The following KIT variants were observed in gnomAD, a reference collection of about 807,000 sequenced individuals.
The protein encoded by KIT is mast/stem cell growth factor receptor Kit.
KIT carries 16 observed loss-of-function variants against 105.7 expected under a neutral mutation model. That is an observed-to-expected ratio of 0.15 (90% CI 0.10 to 0.23). The LOEUF (loss-of-function observed/expected upper bound fraction) is 0.23, where lower values mean the gene tolerates loss of function less well. Ranked by LOEUF, KIT falls within the 10% of genes least tolerant of loss-of-function variation. The pLI is 1.00. For synonymous variants in KIT, 438 were observed against 441.1 expected (o/e 0.99, Z 0.09); for missense variants, 858 against 1,213.8 (o/e 0.71, Z 4.36).
intron 5 of KIT, 37 bp from the exon 6 acceptor site, chr4:54,707,061 A>G (rs1177124393): frequency 4.1e-6 from 5 of 1,213,546 alleles, no homozygotes; most frequent in African/African-American, 1.5e-5. Flanking sequence ...GTAGTTGTAG[A>G]TAATGGTTTC....
chr4:54,728,559 GT>G (rs1285221831), intron 13 of KIT, among the ~76,000 whole-genome samples: 1 of 152,180 alleles, frequency 6.6e-6, no homozygotes, highest in Non-Finnish European at 1.5e-5. Context: ...CTAAAAATAA[GT>G]TTCCAATTTG....
At chr4:54,735,606 C>T (rs1722884881) in intron 17 of KIT, among the ~76,000 whole-genome samples, 1 of 152,170 alleles carries the variant, frequency 6.6e-6, no homozygotes, top group South Asian at 2.1e-4. Flanking sequence ...TTTCAGATAG[C>T]ACTGAGTCAG....
intron 1 of KIT, 53 bp downstream of exon 1, chr4:54,658,134 G>T (rs753637186): frequency 3.8e-6 from 6 of 1,578,272 alleles, no homozygotes; most frequent in Non-Finnish European, 5.2e-6. Context: ...CGAAGCCTGT[G>T]CCTGGGAGGG....
intron 1 of KIT, 21 bp from the exon 2 acceptor site, chr4:54,695,491 C>T (rs535196014): frequency 3.5e-5 from 57 of 1,613,716 alleles, no homozygotes; most frequent in South Asian, 1.4e-4. Flanking sequence ...ATACTCAACA[C>T]GATTCTGTTT....
intron 1 of KIT, among the ~76,000 whole-genome samples, chr4:54,678,110 G>GA (rs1718614622): frequency 6.6e-6 from 1 of 152,136 alleles, no homozygotes. Flanking sequence ...GTAAATTTGG[G>GA]AAAAATTATA....
At chr4:54,661,614 T>G (rs1034012190) in intron 1 of KIT, among the ~76,000 whole-genome samples, 2 of 152,262 alleles carry the variant, frequency 1.3e-5, no homozygotes, top group Non-Finnish European at 2.9e-5. Flanking sequence ...TGCTTTCTTT[T>G]GCTGCATTAA....
intron 4 of KIT, among the ~76,000 whole-genome samples, chr4:54,700,159 C>CTAAAGTTTT (rs1720365877): frequency 2.0e-5 from 3 of 152,128 alleles, no homozygotes; most frequent in Non-Finnish European, 4.4e-5. Context: ...TTGCCACTTC[C>CTAAAGTTTT]ATACTTAAAA....
At chr4:54,732,911 C>T (rs1321747616) in intron 16 of KIT, among the ~76,000 whole-genome samples, 159 bp from the exon 17 acceptor site, 2 of 152,058 alleles carry the variant, frequency 1.3e-5, no homozygotes, top group Non-Finnish European at 2.9e-5. Flanking sequence ...TCATTCAAGG[C>T]GTACTTTTGA....
rs143179681 is a variant in KIT, at chr4:54,725,996, G to A, written c.1486G>A (p.Asp496Asn). 64 of 1,614,044 alleles carry A rather than the reference G, an allele frequency of 4.0e-5. No homozygotes were observed. The African/African-American group carries it at 5.1e-4, about 13-fold the overall frequency. ...NGTVECKAYN[D>N]VGKTSAYFNF... ...CACGGTTGAATGTAAGGCTTACAACGATGTGGGCAAGACTTCTGCCTATTT... is the reference window on the plus strand; with the variant it reads ...CACGGTTGAATGTAAGGCTTACAACAATGTGGGCAAGACTTCTGCCTATTT... Residue 496 changes from aspartate to asparagine, a missense_variant, in exon 9 of 21, where the codon GAT (aspartate) becomes AAT (asparagine). Physicochemically the swap from Asp to Asn is conservative, Grantham distance 23. Around this residue, in one of 7 missense-constraint regions of KIT, gnomAD observed 401 missense variants for 601.0 expected, o/e 0.67. Transcript: ENST00000288135.
At chr4:54,659,702 T>C (rs1717102409) in intron 1 of KIT, among the ~76,000 whole-genome samples, 2 of 152,172 alleles carry the variant, frequency 1.3e-5, no homozygotes, top group Admixed American at 1.3e-4. Flanking sequence ...AAACAACACA[T>C]CTGGTCTTTA....
At chr4:54,722,515 C>T (rs1721942340) in intron 7 of KIT, among the ~76,000 whole-genome samples, 1 of 151,944 alleles carries the variant, frequency 6.6e-6, no homozygotes, top group Non-Finnish European at 1.5e-5. Flanking sequence ...GCATGGGGCT[C>T]CCGTAATTCT....
chr4:54,710,189 C>G (rs1305983834), intron 7 of KIT, among the ~76,000 whole-genome samples: 2 of 152,206 alleles, frequency 1.3e-5, no homozygotes, highest in Non-Finnish European at 2.9e-5. Context: ...GAAGTTGAGG[C>G]CAAGGGAGCC....
At chr4:54,700,726 T>TA (rs1311989003) in intron 4 of KIT, among the ~76,000 whole-genome samples, 1 of 152,188 alleles carries the variant, frequency 6.6e-6, no homozygotes, top group African/African-American at 2.4e-5. Flanking sequence ...TATGCCTGTT[T>TA]AAAAAACTCT....
chr4:54,694,291 A>G (rs919380162), intron 1 of KIT, among the ~76,000 whole-genome samples: 17 of 151,862 alleles, frequency 1.1e-4, no homozygotes, highest in African/African-American at 4.1e-4. Context: ...ACTCCAGCCC[A>G]CCTCTTGCTT....
At chr4:54,698,218 T>G (rs1413605418) in intron 2 of KIT, 66 bp from the exon 3 acceptor site, 8 of 1,501,750 alleles carry the variant, frequency 5.3e-6, no homozygotes, top group Non-Finnish European at 7.3e-6. Flanking sequence ...ATTAGATCTT[T>G]TAAAAAGTGT....
intron 1 of KIT, among the ~76,000 whole-genome samples, chr4:54,671,303 T>C (rs1327090992): frequency 6.6e-6 from 1 of 152,206 alleles, no homozygotes; most frequent in African/African-American, 2.4e-5. Context: ...CAGATGGTAT[T>C]GTTCTGGTTC....
intron 1 of KIT, among the ~76,000 whole-genome samples, chr4:54,679,840 A>G (rs991367219): frequency 6.6e-6 from 1 of 152,252 alleles, no homozygotes; most frequent in Non-Finnish European, 1.5e-5. Flanking sequence ...TTAAAAGGGA[A>G]GTCAACTTTT....
At chr4:54,659,156 G>GGGGGT (rs1717051719) in intron 1 of KIT, among the ~76,000 whole-genome samples, 1 of 152,250 alleles carries the variant, frequency 6.6e-6, no homozygotes, top group African/African-American at 2.4e-5. Flanking sequence ...AGGGCTGCCT[G>GGGGGT]GGGGTGGGGT....
intron 14 of KIT, 58 bp from the exon 15 acceptor site, chr4:54,731,270 T>C (rs1722574653): frequency 5.2e-6 from 6 of 1,147,666 alleles, no homozygotes; most frequent in South Asian, 4.9e-5. Context: ...GCATGACCCA[T>C]GAGTGCCCTT....
Sources: gnomAD v4.1 joint callset for allele counts (sites outside exome capture counted in the v4.1 genomes callset) on GRCh38, gnomAD v4.1.1 for gene constraint, gnomAD v4.1.1 regional missense constraint, MANE v1.5 for transcripts, NCBI Gene and HGNC (gene_info 2026-07-23, HGNC 2026-07-21) for gene names.